Variants in TEX2 observed in about 807,000 individuals in gnomAD.
TEX2 encodes the protein testis-expressed protein 2.
TEX2 carries 53 observed loss-of-function variants against 106.9 expected under a neutral mutation model. The ratio of observed to expected loss-of-function variants is 0.50; its 90% CI spans 0.40 to 0.62. The LOEUF is 0.62. Ranked by LOEUF, TEX2 falls within the 20% of genes least tolerant of loss-of-function variation. The probability of loss-of-function intolerance (pLI) is 0.00; values close to 1 mark genes in which losing one functional copy is unlikely to be tolerated. For missense variants in TEX2, 1,207 were observed against 1,379.0 expected, an observed-to-expected ratio of 0.88 and a Z score of 1.98; for synonymous variants, 523 against 534.8, an observed-to-expected ratio of 0.98 and a Z score of 0.30.
chr17:64,160,159 T>C (rs2030818062), intron 8 of TEX2, among the ~76,000 whole-genome samples: 1 of 152,182 alleles, frequency 6.6e-6, no homozygotes, highest in African/African-American at 2.4e-5. Flanking sequence ...GAGAATAGGA[T>C]GTAAAAGTTC....
chr17:64,152,860 A>G (rs2030422243), intron 10 of TEX2, 85 bp downstream of exon 10: 1 of 1,399,286 alleles, frequency 7.1e-7, no homozygotes, highest in Non-Finnish European at 9.8e-7. Context: ...GGTACTTTCC[A>G]TAACCTCAAG....
chr17:64,242,226 T>A (rs1217536004), intron 1 of TEX2: 1 of 152,204 alleles, frequency 6.6e-6, no homozygotes, highest in African/African-American at 2.4e-5. Flanking sequence ...TAATGTAACA[T>A]TACAGCACTG....
chr17:64,177,522 G>C (rs1309707082), intron 5 of TEX2, 51 bp from the exon 6 acceptor site: 29 of 1,586,038 alleles, frequency 1.8e-5, no homozygotes, highest in Non-Finnish European at 2.5e-5. Context: ...TGGAGAATAA[G>C]ACAGGTGCTT....
chr17:64,225,660 G>C (rs574586671), intron 1 of TEX2, among the ~76,000 whole-genome samples: 1 of 152,158 alleles, frequency 6.6e-6, no homozygotes, highest in African/African-American at 2.4e-5. Flanking sequence ...TATGAGAATA[G>C]TGTGTTGTGG....
intron 1 of TEX2, among the ~76,000 whole-genome samples, chr17:64,228,142 T>C (rs1210309193): frequency 6.6e-6 from 1 of 152,172 alleles, no homozygotes; most frequent in Non-Finnish European, 1.5e-5. Flanking sequence ...GAACCATATG[T>C]ATACATCTTC....
chr17:64,231,368 G>T (rs1211040499), intron 1 of TEX2, among the ~76,000 whole-genome samples: 2 of 152,168 alleles, frequency 1.3e-5, no homozygotes, highest in Non-Finnish European at 2.9e-5. Flanking sequence ...TGTGCTTCAG[G>T]CAACCCTGTG....
chr17:64,223,797 C>T (rs576464146), intron 1 of TEX2, among the ~76,000 whole-genome samples: 123 of 144,842 alleles, frequency 8.5e-4, no homozygotes, highest in Admixed American at 3.3e-3. Context: ...CTCACTGCAA[C>T]CTCCAGCTCC....
intron 2 of TEX2, among the ~76,000 whole-genome samples, chr17:64,196,927 A>C (rs1315315340): frequency 6.6e-6 from 1 of 150,804 alleles, no homozygotes; most frequent in African/African-American, 2.4e-5. Flanking sequence ...GTAGCTTTCA[A>C]CTGGCAACAG....
chr17:64,208,226 G>C (rs2032896111), intron 2 of TEX2, among the ~76,000 whole-genome samples: 1 of 130,470 alleles, frequency 7.7e-6, no homozygotes, highest in South Asian at 2.3e-4. Context: ...TTACTGTTTT[G>C]TTTTTGTTTT....
intron 7 of TEX2, among the ~76,000 whole-genome samples, chr17:64,170,508 C>T (rs1480531926): frequency 2.6e-5 from 4 of 151,726 alleles, no homozygotes; most frequent in Non-Finnish European, 5.9e-5. Context: ...GCTGCAACCC[C>T]TACAAAAGCA....
rs116935943 is a variant in TEX2, at chr17:64,158,671, T to C, written c.2804+2130A>G. 2.1e-3 allele frequency among the ~76,000 whole-genome samples: 321 copies of C among 152,310 alleles called. 1 individual carries two copies. Among genetic ancestry groups the C allele is most frequent in the South Asian group, 4.6e-3 (22 of 4,832 alleles). ...CTGGGATTAGGTTCTTAACCACGGATGGGCTTTCAGAGATTCACAATGCTC... is the reference window on the plus strand; with the variant it reads ...CTGGGATTAGGTTCTTAACCACGGACGGGCTTTCAGAGATTCACAATGCTC... On this transcript the variant is annotated intron_variant, in intron 8 of 11. Coordinates refer to ENST00000584379, the MANE Select transcript of TEX2 (RefSeq NM_001288732.2).
chr17:64,160,710 G>A, intron 8 of TEX2, 91 bp downstream of exon 8: 1 of 1,483,108 alleles, frequency 6.7e-7, no homozygotes, highest in Non-Finnish European at 9.2e-7. Flanking sequence ...AACATCCAGG[G>A]GCCACTACAC....
chr17:64,151,050 C>T, intron 10 of TEX2, 89 bp from the exon 11 acceptor site: 1 of 1,379,664 alleles, frequency 7.2e-7, no homozygotes, highest in Non-Finnish European at 1.0e-6. Context: ...TTACATGGGG[C>T]TTTATCACTA....
chr17:64,181,472 CAAAA>C (rs759988777), intron 5 of TEX2, among the ~76,000 whole-genome samples: 3 of 25,436 alleles, frequency 1.2e-4, no homozygotes, highest in South Asian at 3.1e-3. Context: ...AAGGCTATCT[CAAAA>C]AAAAAAAAAA....
chr17:64,239,875 CAAAAAAAAAA>C (rs61705973), intron 1 of TEX2, among the ~76,000 whole-genome samples: 4 of 29,636 alleles, frequency 1.3e-4, no homozygotes, highest in Non-Finnish European at 2.3e-4. Flanking sequence ...GACTCTGTCT[CAAAAAAAAAA>C]AAAAAAAAAA....
intron 2 of TEX2, among the ~76,000 whole-genome samples, chr17:64,211,087 A>G (rs978074901): frequency 6.6e-6 from 1 of 152,060 alleles, no homozygotes; most frequent in Non-Finnish European, 1.5e-5. Context: ...CAGCCTCCCA[A>G]GTAGCTGAGA....
chr17:64,199,915 T>G (rs2032602316), intron 2 of TEX2, among the ~76,000 whole-genome samples: 1 of 152,236 alleles, frequency 6.6e-6, no homozygotes, highest in Non-Finnish European at 1.5e-5. Flanking sequence ...GTGCATGCTT[T>G]CAACACACTC....
chr17:64,212,924 C>G lies in TEX2; in HGVS notation c.1294G>C (p.Gly432Arg), dbSNP rs1373474874. The change falls in exon 2 of 12, where the codon GGG (glycine) becomes CGG (arginine). Residue 432 changes from glycine (G) to arginine (R), a missense_variant. Physicochemically the swap from Gly to Arg is moderately radical, Grantham distance 125. This residue lies in a region of TEX2 where 1,067 missense variants were observed against 1,193.6 expected (regional missense o/e 0.89). Transcript: ENST00000584379. ...YTEDFDLETE[G>R]ESKVDKLSDI... The stretch of plus-strand genomic sequence containing the variant: ...GAGAGCTTATCAACTTTACTCTCCC[C>G]CTCCGTTTCCAAATCGAAGTCCTCA... 1.2e-6 allele frequency: 2 copies of G among 1,614,204 alleles called. No homozygotes were observed. Among genetic ancestry groups the G allele is most frequent in the Non-Finnish European group, 1.7e-6 (2 of 1,180,030 alleles).
At chr17:64,186,869 G>C (rs977208615) in intron 5 of TEX2, among the ~76,000 whole-genome samples, 3 of 152,190 alleles carry the variant, frequency 2.0e-5, no homozygotes, top group African/African-American at 7.2e-5. Flanking sequence ...GAGAGGTTAA[G>C]TGTCCCCCAG....
Sources: gnomAD v4.1 joint callset for allele counts (sites outside exome capture counted in the v4.1 genomes callset) on GRCh38, gnomAD v4.1.1 for gene constraint, gnomAD v4.1.1 regional missense constraint, MANE v1.5 for transcripts, NCBI Gene and HGNC (gene_info 2026-07-23, HGNC 2026-07-21) for gene names.